Variants in RANBP1 observed in about 807,000 individuals in gnomAD.
The protein encoded by RANBP1 is RAN binding protein 1.
Under a neutral mutation model 31.4 loss-of-function variants are expected in RANBP1, and 16 were observed. The observed-to-expected ratio is 0.51, with a 90% confidence interval of 0.34 to 0.77. RANBP1 has a LOEUF of 0.77. Among genes scored for constraint, RANBP1 ranks in the 30% least tolerant of loss-of-function variants. The pLI, the probability that RANBP1 is intolerant of heterozygous loss-of-function variation, is 0.01. For synonymous variants in RANBP1, 129 were observed against 140.5 expected, an observed-to-expected ratio of 0.92 and a Z score of 0.58; for missense variants, 265 against 362.0, an observed-to-expected ratio of 0.73 and a Z score of 2.17.
Position 20,118,107 on chromosome 22 carries a change from G to A in RANBP1, c.247-906G>A, listed in dbSNP as rs2050086551. The A allele has an allele frequency of 2.0e-6, 2 of 1,000,206 alleles. 1 individual carries two copies. Among genetic ancestry groups the A allele is most frequent in the South Asian group, 9.4e-5 (2 of 21,314 alleles). The allele number at this position is 1,000,206 out of a possible 1,614,324, so 62.0% of individuals were successfully genotyped here. On this transcript the variant is annotated intron_variant, in intron 1 of 5. Transcript: ENST00000430524. The stretch of plus-strand genomic sequence containing the variant: ...ACCGCCACTGGCCTCTGTGGCAGAA[G>A]CTCGCGTTCCAGCGTGGGGCACAGG...
rs767854906 is a variant in RANBP1, at chr22:20,125,547, G to A, written c.670+111G>A. On this transcript the variant is annotated intron_variant, in intron 4 of 5. Transcript: ENST00000430524. ...CTTTTGGGGAGAGGGGGCAGTAACT[G>A]GGAAGTGTGTCGTGTGGGCTGCCCT... is the stretch of plus-strand genomic sequence containing the variant. 7 of 1,539,042 alleles carry A rather than the reference G, an allele frequency of 4.5e-6. No individual in the cohort carries two copies. The African/African-American group carries it at 8.2e-5, about 18-fold the overall frequency.
intron 1 of RANBP1, chr22:20,117,486 G>A (rs1311088736): frequency 8.1e-7 from 1 of 1,230,544 alleles, no homozygotes; most frequent in South Asian, 1.9e-5. Context: ...GTTTCCCGCC[G>A]CTGGGGTCAG....
In RANBP1 at chr22:20,127,120, C is replaced by A; in HGVS notation, c.*68C>A. On this transcript the variant is annotated 3_prime_UTR_variant, in exon 6 of 6. Coordinates refer to ENST00000430524, the MANE Select transcript of RANBP1 (RefSeq NM_001278639.2). ...TTTTAAAAAATTTTACCCTGCCCCT[C>A]TTTTTCGGTTTGTTTTTATTCTTTC... 7.6e-7 allele frequency: 1 copy of A among 1,322,198 alleles called. No individual in the cohort carries two copies. Among genetic ancestry groups the A allele is most frequent in the South Asian group, 1.4e-5 (1 of 70,820 alleles). 81.9% of individuals were successfully genotyped at this position (1,322,198 alleles called of 1,614,324 possible).
intron 2 of RANBP1, among the ~76,000 whole-genome samples, chr22:20,120,273 C>T (rs2147978676): frequency 6.6e-6 from 1 of 152,348 alleles, no homozygotes; most frequent in East Asian, 1.9e-4. Context: ...GGGTGATGGA[C>T]ATCTCCCTGA....
intron 1 of RANBP1, chr22:20,116,723 C>T: frequency 7.0e-7 from 1 of 1,422,652 alleles, no homozygotes; most frequent in Non-Finnish European, 9.5e-7. Flanking sequence ...TGCACTCAGC[C>T]CTGCCCCTCC....
intron 1 of RANBP1, chr22:20,116,728 C>T (rs2050035644): frequency 1.4e-6 from 2 of 1,419,440 alleles, no homozygotes; most frequent in African/African-American, 1.4e-5. Flanking sequence ...TCAGCCCTGC[C>T]CCTCCCCCAG....
At position 20,119,135 on chromosome 22, in the gene RANBP1, G is replaced by A. The variant is rs370443280; in HGVS notation, c.369G>A (p.Glu123=). 5.0e-6 allele frequency: 8 copies of A among 1,612,948 alleles called. No homozygotes were observed. The highest frequency in any genetic ancestry group is 2.7e-5 in the African/African-American group (2 of 75,022). The change falls in exon 2 of 6, where the codon GAG becomes GAA. Residue 123 remains glutamate, a synonymous_variant. Transcript: ENST00000430524. ...TTAAAACACTGGAAGAAGATGAAGAGGAACTTTTTAAAATGTAAGTAGGCT... is the reference window on the plus strand; with the variant it reads ...TTAAAACACTGGAAGAAGATGAAGAAGAACTTTTTAAAATGTAAGTAGGCT... The part of the protein sequence containing the change: ...QEIKTLEEDE[E]ELFKMRAKLF...
rs747246526 is a variant in RANBP1 at position 20,122,720 on chromosome 22, G to T, written c.541+299G>T. The T allele has an allele frequency of 1.4e-5, 14 of 1,005,442 alleles. No individual in the cohort carries two copies. The South Asian group carries it at 1.4e-4, about 10-fold the overall frequency. 62.3% of individuals were successfully genotyped at this position (1,005,442 alleles called of 1,614,324 possible). A position where few individuals can be genotyped will look rare whatever the true frequency, so the allele number is the denominator to read the frequency against. Reference sequence around the variant, plus strand: ...GGAGTGAGTGCTGCAGGGCGAGGGGGTGCTGTGTGTGTGTGTGTGTGTGTG... The same window carrying T: ...GGAGTGAGTGCTGCAGGGCGAGGGGTTGCTGTGTGTGTGTGTGTGTGTGTG... On this transcript the variant is annotated intron_variant, in intron 3 of 5. Coordinates refer to ENST00000430524, the MANE Select transcript of RANBP1 (RefSeq NM_001278639.2).
chr22:20,116,257 C>A lies in RANBP1; in HGVS notation c.73C>A (p.Arg25Ser), dbSNP rs560448160. The A allele has an allele frequency of 1.2e-5, 20 of 1,612,990 alleles. No homozygotes were observed. In the East Asian group the frequency reaches 4.5e-4, roughly 36 times the overall value. The change falls in exon 1 of 6, where the codon CGC becomes AGC. Residue 25 changes from arginine (R) to serine (S), a missense_variant. By Grantham distance (110) the Arg-to-Ser change is moderately radical. This residue lies in a region of RANBP1 where 126 missense variants were observed against 123.6 expected (regional missense o/e 1.02). Coordinates refer to ENST00000430524, the MANE Select transcript of RANBP1 (RefSeq NM_001278639.2). Reference protein sequence around the residue: ...RPFQRAPCKTRRALSLSAALR... With the variant: ...RPFQRAPCKTSRALSLSAALR... The stretch of plus-strand genomic sequence containing the variant: ...TTTCCAGAGGGCACCATGCAAAACG[C>A]GCAGGGCCTTGTCCCTCTCTGCAGC...
intron 1 of RANBP1, 76 bp from the exon 2 acceptor site, chr22:20,118,937 A>T (rs1038235236): frequency 6.7e-7 from 1 of 1,485,256 alleles, no homozygotes; most frequent in Non-Finnish European, 9.2e-7. Flanking sequence ...AGGGCTGACC[A>T]CTGCAGGCAC....
In RANBP1 at chr22:20,116,353, C is replaced by A. The variant is rs199794890; in HGVS notation, c.169C>A (p.Arg57=). 1.9e-6 allele frequency: 3 copies of A among 1,612,840 alleles called. No homozygotes were observed. The Admixed American group carries it at 5.0e-5, about 27-fold the overall frequency. ...SLVLWGCRPK[R]PRKRRTSLKL... ...GGTTTTGTGGGGCTGCAGACCAAAG[C>A]GGCCCAGGAAGCGCCGGACGTCGCT... The change falls in exon 1 of 6, where the codon CGG becomes AGG. Residue 57 remains arginine (R), a synonymous_variant. Transcript: ENST00000430524.
chr22:20,126,015 C>T (rs987677128), intron 4 of RANBP1, among the ~76,000 whole-genome samples: 6 of 152,220 alleles, frequency 3.9e-5, no homozygotes, highest in African/African-American at 9.6e-5. Flanking sequence ...TTGCTGTGGG[C>T]GTGGCTGCCC....
chr22:20,124,237 TCTGGGCTC>T (rs1416542003), intron 3 of RANBP1: 1 of 152,526 alleles, frequency 6.6e-6, no homozygotes, highest in Non-Finnish European at 1.5e-5. Context: ...ATAAGTTGGT[TCTGGGCTC>T]CTGGGCATCT....
chr22:20,117,880 C>T (rs2050077657), intron 1 of RANBP1: 4 of 1,016,848 alleles, frequency 3.9e-6, no homozygotes, highest in Non-Finnish European at 3.5e-6. Flanking sequence ...CTGCAGAGGC[C>T]TGGGGGCTGC....
chr22:20,117,621 A>T (rs913259257), intron 1 of RANBP1: 1 of 1,153,026 alleles, frequency 8.7e-7, no homozygotes, highest in African/African-American at 1.7e-5. Flanking sequence ...CGACCGACCC[A>T]GCCGAGCCGC....
At chr22:20,116,628 T>C in intron 1 of RANBP1, 198 bp downstream of exon 1, 1 of 1,527,754 alleles carries the variant, frequency 6.5e-7, no homozygotes, top group Non-Finnish European at 8.7e-7. Context: ...TGGGGACAGA[T>C]GGGGTGCTAG....
intron 4 of RANBP1, 132 bp from the exon 5 acceptor site, chr22:20,126,170 TG>T: frequency 1.9e-6 from 2 of 1,069,940 alleles, no homozygotes; most frequent in South Asian, 1.5e-5. Flanking sequence ...CGATGTCAGG[TG>T]GACCAGTCCT....
At chr22:20,122,442 C>T (rs2050192461) in intron 3 of RANBP1, 21 bp downstream of exon 3, 1 of 1,611,200 alleles carries the variant, frequency 6.2e-7, no homozygotes, top group Non-Finnish European at 8.5e-7. Flanking sequence ...TGAACGACCA[C>T]CTCGACAGTC....
Position 20,125,981 on chromosome 22 carries a change from G to A in RANBP1, c.671-322G>A, listed in dbSNP as rs138623668. On this transcript the variant is annotated intron_variant, in intron 4 of 5. Coordinates refer to ENST00000430524, the MANE Select transcript of RANBP1 (RefSeq NM_001278639.2). ...GTGGCCTGGCGCCTGGTAGCTGGCC[G>A]TTTGGTGCCAAGTGACCTTGTCCTT... Among the ~76,000 whole-genome samples, 119 of 152,388 alleles carry A rather than the reference G, an allele frequency of 7.8e-4. 1 individual carries two copies. The highest frequency in any genetic ancestry group is 2.7e-3 in the African/African-American group (113 of 41,602).
Sources: gnomAD v4.1 joint callset for allele counts (sites outside exome capture counted in the v4.1 genomes callset) on GRCh38, gnomAD v4.1.1 for gene constraint, gnomAD v4.1.1 regional missense constraint, MANE v1.5 for transcripts, NCBI Gene and HGNC (gene_info 2026-07-23, HGNC 2026-07-21) for gene names.